The following GNA11 variants were observed in gnomAD, a reference collection of about 807,000 sequenced individuals.
The protein encoded by GNA11 is guanine nucleotide-binding protein subunit alpha-11.
Under a neutral mutation model 38.2 loss-of-function variants are expected in GNA11, and 8 were observed. That is an observed-to-expected ratio of 0.21 (90% CI 0.12 to 0.38). The LOEUF is 0.38. Ranked by LOEUF, GNA11 falls within the 10% of genes least tolerant of loss-of-function variation. The probability of loss-of-function intolerance (pLI) is 1.00; values close to 1 mark genes in which losing one functional copy is unlikely to be tolerated. For synonymous variants in GNA11, 211 were observed against 221.4 expected, an observed-to-expected ratio of 0.95 and a Z score of 0.42; for missense variants, 268 against 516.3, an observed-to-expected ratio of 0.52 and a Z score of 4.66.
chr19:3,117,899 G>C (rs1029756319), intron 4 of GNA11: 1 of 152,352 alleles, frequency 6.6e-6, no homozygotes, highest in Non-Finnish European at 1.5e-5. Context: ...GGGGGGACCC[G>C]GATCCCAGCC....
rs923810715 is a variant in GNA11 at position 3,115,708 on chromosome 19, G to A, written c.605+636G>A. 2.1e-4 allele frequency among the ~76,000 whole-genome samples: 31 copies of A among 150,054 alleles called. 1 individual carries two copies. The highest frequency in any genetic ancestry group is 2.0e-3 in the Admixed American group (31 of 15,130). On this transcript the variant is annotated intron_variant, in intron 4 of 6. Coordinates refer to ENST00000078429, the MANE Select transcript of GNA11 (RefSeq NM_002067.5). Reference sequence around the variant, plus strand: ...GTGCGGGAGGGGTCATAGGGACTGAGGCTGCCAGGGGAGGGGGCTCATGGG... The same window carrying A: ...GTGCGGGAGGGGTCATAGGGACTGAAGCTGCCAGGGGAGGGGGCTCATGGG...
rs1254772409 is a variant in GNA11, at chr19:3,123,782, AAAG to A, written c.*2606_*2608del. On this transcript the variant is annotated 3_prime_UTR_variant, in exon 7 of 7. Coordinates refer to ENST00000078429, the MANE Select transcript of GNA11 (RefSeq NM_002067.5). ...CAATTTCAACCTTAATCTATTTAAA[AAAG>A]AATATTCTATACAAGCTGTTTTTAA... The A allele has an allele frequency of 4.3e-6, 1 of 232,110 alleles. No homozygotes were observed. Among genetic ancestry groups the A allele is most frequent in the Admixed American group, 5.6e-5 (1 of 17,750 alleles). The allele number at this position is 232,110 out of a possible 1,614,324, so 14.4% of individuals were successfully genotyped here. A position where few individuals can be genotyped will look rare whatever the true frequency, so the allele number is the denominator to read the frequency against.
chr19:3,122,316 C>T lies in GNA11; in HGVS notation c.*1137C>T, dbSNP rs1348683686. 4 of 232,462 alleles carry T rather than the reference C, an allele frequency of 1.7e-5. No homozygotes were observed. The highest frequency in any genetic ancestry group is 5.6e-5 in the Admixed American group (1 of 17,760). 14.4% of individuals were successfully genotyped at this position (232,462 alleles called of 1,614,324 possible). On this transcript the variant is annotated 3_prime_UTR_variant, in exon 7 of 7. Coordinates refer to ENST00000078429, the MANE Select transcript of GNA11 (RefSeq NM_002067.5). This position sits in a 1 kb window ranked among gnomAD's most constrained non-coding sequence, Gnocchi z 7.7. Reference sequence around the variant, plus strand: ...TGTCCCAAGCACTTGCGCCCGCCCCCGAGCGCCGCCCCCGGGGAGCGGGAA... The same window carrying T: ...TGTCCCAAGCACTTGCGCCCGCCCCTGAGCGCCGCCCCCGGGGAGCGGGAA...
At chr19:3,106,413 G>C (rs763271407) in intron 1 of GNA11, among the ~76,000 whole-genome samples, 1 of 152,238 alleles carries the variant, frequency 6.6e-6, no homozygotes, top group Admixed American at 6.5e-5. Flanking sequence ...ATGTAGTCAC[G>C]TTGCCTGGCT....
chr19:3,096,842 C>G (rs1913383592), intron 1 of GNA11, among the ~76,000 whole-genome samples: 2 of 152,206 alleles, frequency 1.3e-5, no homozygotes, highest in South Asian at 4.1e-4. Flanking sequence ...CCAAGGAGGA[C>G]TGGTGTCAGT....
chr19:3,116,838 C>T (rs1205979431), intron 4 of GNA11, among the ~76,000 whole-genome samples: 1 of 152,196 alleles, frequency 6.6e-6, no homozygotes, highest in African/African-American at 2.4e-5. Context: ...CTGCCGAGGC[C>T]ATTGTGAGGG....
intron 4 of GNA11, 42 bp from the exon 5 acceptor site, chr19:3,118,882 T>C: frequency 6.3e-7 from 1 of 1,597,172 alleles, no homozygotes; most frequent in Non-Finnish European, 8.5e-7. Context: ...GATTGGGCCT[T>C]GGGGCGCCAG....
At chr19:3,104,498 T>G (rs111439446) in intron 1 of GNA11, among the ~76,000 whole-genome samples, 3,370 of 152,174 alleles carry the variant, frequency 0.022, 115 homozygotes, top group African/African-American at 0.066. Flanking sequence ...TGTGGTTGTG[T>G]GGGGGGCTCC....
At chr19:3,113,688 C>T (rs1375970523) in intron 3 of GNA11, among the ~76,000 whole-genome samples, 1 of 152,194 alleles carries the variant, frequency 6.6e-6, no homozygotes, top group South Asian at 2.1e-4. Flanking sequence ...AGCCGGTGGA[C>T]TCTGGTGTGA....
At chr19:3,103,869 T>C (rs1015964081) in intron 1 of GNA11, among the ~76,000 whole-genome samples, 2 of 151,924 alleles carry the variant, frequency 1.3e-5, no homozygotes, top group Non-Finnish European at 2.9e-5. Flanking sequence ...GTAGTTTTAG[T>C]GGAGACGCGG....
In GNA11 at chr19:3,094,596, GC is replaced by G; in HGVS notation, c.-54del. On this transcript the variant is annotated 5_prime_UTR_variant, in exon 1 of 7. Coordinates refer to ENST00000078429, the MANE Select transcript of GNA11 (RefSeq NM_002067.5). The surrounding 1 kb of genome is among the most constrained non-coding windows in gnomAD (Gnocchi z 6.0). ...CCGAGGCGGCTCCGGCCAGGGCCGGGCCGGGGGCCGGGGGGCGGCGGCGGGC... is the reference window on the plus strand; with the variant it reads ...CCGAGGCGGCTCCGGCCAGGGCCGGGCGGGGGCCGGGGGGCGGCGGCGGGC... The G allele has an allele frequency of 2.2e-6, 2 of 930,118 alleles. No homozygotes were observed. Among genetic ancestry groups the G allele is most frequent in the Middle Eastern group, 1.0e-3 (2 of 1,906 alleles). The allele number at this position is 930,118 out of a possible 1,614,324, so 57.6% of individuals were successfully genotyped here. A position where few individuals can be genotyped will look rare whatever the true frequency, so the allele number is the denominator to read the frequency against.
Position 3,110,457 on chromosome 19 carries a change from G to A in GNA11, c.321+124G>A. On this transcript the variant is annotated intron_variant, in intron 2 of 6. Coordinates refer to ENST00000078429, the MANE Select transcript of GNA11 (RefSeq NM_002067.5). This position sits in a 1 kb window ranked among gnomAD's most constrained non-coding sequence, Gnocchi z 5.4. Reference sequence around the variant, plus strand: ...TCCCGGCCGGCCCAGGCTACCCCTGGTCATCCATCCGTTCCTGTCATGGAC... The same window carrying A: ...TCCCGGCCGGCCCAGGCTACCCCTGATCATCCATCCGTTCCTGTCATGGAC... The A allele has an allele frequency of 1.4e-6, 1 of 703,438 alleles. No individual in the cohort carries two copies. The highest frequency in any genetic ancestry group is 2.4e-6 in the Non-Finnish European group (1 of 419,510). 43.6% of individuals were successfully genotyped at this position (703,438 alleles called of 1,614,324 possible). A position where few individuals can be genotyped will look rare whatever the true frequency, so the allele number is the denominator to read the frequency against.
intron 1 of GNA11, among the ~76,000 whole-genome samples, chr19:3,106,748 A>G (rs1295184768): frequency 6.6e-6 from 1 of 151,240 alleles, no homozygotes; most frequent in Non-Finnish European, 1.5e-5. Context: ...ACATGCATGC[A>G]TACATGTATG....
At chr19:3,107,435 G>T (rs905647870) in intron 1 of GNA11, among the ~76,000 whole-genome samples, 1 of 152,190 alleles carries the variant, frequency 6.6e-6, no homozygotes, top group Non-Finnish European at 1.5e-5. Flanking sequence ...TTACCAAGGG[G>T]CGGCGCCTTC....
At position 3,122,245 on chromosome 19, in the gene GNA11, C is replaced by T. The variant is rs55918968; in HGVS notation, c.*1066C>T. The T allele has an allele frequency of 0.04, 9,256 of 232,924 alleles. 246 individuals carry two copies. Among genetic ancestry groups the T allele is most frequent in the Middle Eastern group, 0.094 (74 of 786 alleles). The allele number at this position is 232,924 out of a possible 1,614,324, so 14.4% of individuals were successfully genotyped here. ...TACAGAATATTCTCAGGTGTGTACCCGAGAGGCAGAGAGAGGGACGTGGCC... is the reference window on the plus strand; with the variant it reads ...TACAGAATATTCTCAGGTGTGTACCTGAGAGGCAGAGAGAGGGACGTGGCC... On this transcript the variant is annotated 3_prime_UTR_variant, in exon 7 of 7. Transcript: ENST00000078429. The surrounding 1 kb of genome is among the most constrained non-coding windows in gnomAD (Gnocchi z 7.7).
In GNA11 at chr19:3,097,674, G is replaced by C. The variant is rs973676434; in HGVS notation, c.136+2887G>C. ...CGTGCCCCGTTTTCGGGGTGGGGGG[G>C]ACCTTACGGAGCCCTAGAGCTGGAC... is the stretch of plus-strand genomic sequence containing the variant. On this transcript the variant is annotated intron_variant, in intron 1 of 6. Coordinates refer to ENST00000078429, the MANE Select transcript of GNA11 (RefSeq NM_002067.5). Among the ~76,000 whole-genome samples, 13 of 152,360 alleles carry C rather than the reference G, an allele frequency of 8.5e-5. No individual in the cohort carries two copies. In the East Asian group the frequency reaches 2.1e-3, roughly 25 times the overall value.
rs1914037157 is a variant in GNA11 at position 3,120,340 on chromosome 19, C to G, written c.890-649C>G. Among the ~76,000 whole-genome samples the G allele has an allele frequency of 6.6e-6, 1 of 152,096 alleles. No homozygotes were observed. Among genetic ancestry groups the G allele is most frequent in the African/African-American group, 2.4e-5 (1 of 41,426 alleles). ...GCCTGTCCTGTGGGCTCAGAGAGCC[C>G]TGGTGGGGGGAGGCCAAGGGACTGG... On this transcript the variant is annotated intron_variant, in intron 6 of 6. Coordinates refer to ENST00000078429, the MANE Select transcript of GNA11 (RefSeq NM_002067.5). The surrounding 1 kb of genome is among the most constrained non-coding windows in gnomAD (Gnocchi z 5.9).
intron 3 of GNA11, 96 bp from the exon 4 acceptor site, chr19:3,114,847 TG>T: frequency 8.1e-7 from 1 of 1,235,416 alleles, no homozygotes; most frequent in Non-Finnish European, 1.2e-6. Context: ...CACCCCCTCC[TG>T]GTGGCTTTCC....
intron 1 of GNA11, among the ~76,000 whole-genome samples, chr19:3,103,479 CTGGGATTACAGGCG>C (rs953002013): frequency 1.3e-4 from 17 of 135,412 alleles, no homozygotes; most frequent in Non-Finnish European, 2.2e-4. Flanking sequence ...TCCCAAAGTG[CTGGGATTACAGGCG>C]TGAGCCACTG....
Sources: gnomAD v4.1 joint callset for allele counts (sites outside exome capture counted in the v4.1 genomes callset) on GRCh38, gnomAD v4.1.1 for gene constraint, Gnocchi (gnomAD v3.1) non-coding constraint, MANE v1.5 for transcripts, NCBI Gene and HGNC (gene_info 2026-07-23, HGNC 2026-07-21) for gene names.